Variants in ABR observed in about 807,000 individuals in gnomAD.
The protein encoded by ABR is active breakpoint cluster region-related protein.
A neutral mutation model predicts 107.2 loss-of-function variants in ABR; 35 were observed. The ratio of observed to expected loss-of-function variants is 0.33; its 90% CI spans 0.25 to 0.43. ABR has a LOEUF of 0.43. Among genes scored for constraint, ABR ranks in the 20% least tolerant of loss-of-function variants. The probability of loss-of-function intolerance (pLI) is 1.00; values close to 1 mark genes in which losing one functional copy is unlikely to be tolerated. For missense variants in ABR, 815 were observed against 1,115.2 expected, an observed-to-expected ratio of 0.73 and a Z score of 3.83; for synonymous variants, 498 against 462.0, an observed-to-expected ratio of 1.08 and a Z score of -1.00.
chr17:1,048,124 C>T (rs909758885), intron 16 of ABR, among the ~76,000 whole-genome samples: 1 of 152,228 alleles, frequency 6.6e-6, no homozygotes, highest in Non-Finnish European at 1.5e-5. Flanking sequence ...CTCCCCTTAT[C>T]CCCACAGAGA....
intron 16 of ABR, among the ~76,000 whole-genome samples, chr17:1,021,772 T>G (rs2071681125): frequency 6.8e-6 from 1 of 147,486 alleles, no homozygotes; most frequent in Non-Finnish European, 1.5e-5. Context: ...ATTGTGCCAC[T>G]GCACTCCAGC....
At chr17:1,199,457 G>A (rs936268309) in intron 1 of ABR, among the ~76,000 whole-genome samples, 2 of 150,282 alleles carry the variant, frequency 1.3e-5, no homozygotes, top group Non-Finnish European at 2.9e-5. Flanking sequence ...GGAGTGCAGT[G>A]GTGCAATCAC....
chr17:1,199,326 G>T (rs962641221), intron 1 of ABR, among the ~76,000 whole-genome samples: 5 of 151,052 alleles, frequency 3.3e-5, no homozygotes, highest in Admixed American at 2.0e-4. Context: ...ACTGGCAGGG[G>T]CTCATCTGTA....
chr17:1,132,482 G>C (rs184819389), intron 1 of ABR, among the ~76,000 whole-genome samples: 1 of 149,440 alleles, frequency 6.7e-6, no homozygotes, highest in Admixed American at 6.8e-5. Flanking sequence ...AGGTTCAAGC[G>C]ATTCTCCCGT....
chr17:1,090,827 C>G (rs78721767), intron 4 of ABR, among the ~76,000 whole-genome samples: 1 of 152,206 alleles, frequency 6.6e-6, no homozygotes. Flanking sequence ...AGAAGAACCG[C>G]GGCCTGGACT....
chr17:1,058,016 G>A lies in ABR; in HGVS notation c.1335C>T (p.Tyr445=), dbSNP rs775632275. The change falls in exon 12 of 23, where the codon TAC becomes TAT. Residue 445 remains tyrosine (Y), a synonymous_variant. Coordinates refer to ENST00000302538, the MANE Select transcript of ABR (RefSeq NM_021962.5). ...KSYLFLLSSD[Y]ERSEWREAIQ... is the part of the protein sequence containing the mutation. The stretch of plus-strand genomic sequence containing the variant: ...TTGCTTCTCTCCACTCTGACCTCTC[G>A]TAGTCCGAGGACAGTAGGAACAGGT... 44 of 1,613,756 alleles carry A rather than the reference G, an allele frequency of 2.7e-5. No homozygotes were observed. In the African/African-American group the frequency reaches 3.2e-4, roughly 12 times the overall value.
At position 1,010,569 on chromosome 17, in the gene ABR, C is replaced by T. The variant is rs898575618; in HGVS notation, c.2236+160G>A. The T allele has an allele frequency of 7.3e-6, 7 of 953,216 alleles. No individual in the cohort carries two copies. The African/African-American group carries it at 8.3e-5, about 11-fold the overall frequency. The allele number at this position is 953,216 out of a possible 1,614,324, so 59.0% of individuals were successfully genotyped here. Reference sequence around the variant, plus strand: ...GTGTCTGCACCAGGTCCCAGCAGGCCACACCTCACCCTCGGACCCCTCAGC... The same window carrying T: ...GTGTCTGCACCAGGTCCCAGCAGGCTACACCTCACCCTCGGACCCCTCAGC... On this transcript the variant is annotated intron_variant, in intron 20 of 22. Transcript: ENST00000302538. This position sits in a 1 kb window ranked among gnomAD's most constrained non-coding sequence, Gnocchi z 4.1.
Position 1,050,499 on chromosome 17 carries a change from G to A in ABR, c.1659+38C>T. 1.3e-6 allele frequency: 2 copies of A among 1,580,948 alleles called. No homozygotes were observed. The highest frequency in any genetic ancestry group is 1.3e-5 in the African/African-American group (1 of 74,266). On this transcript the variant is annotated intron_variant, in intron 15 of 22. Coordinates refer to ENST00000302538, the MANE Select transcript of ABR (RefSeq NM_021962.5). This position sits in a 1 kb window ranked among gnomAD's most constrained non-coding sequence, Gnocchi z 4.6. The stretch of plus-strand genomic sequence containing the variant: ...GCAGACAAGCCACGAGCACGGGGTG[G>A]TGGGGTCCCCACAGAGATGCCAGCC...
intron 16 of ABR, among the ~76,000 whole-genome samples, chr17:1,016,317 CTT>C (rs151002591): frequency 1.5e-4 from 20 of 134,874 alleles, no homozygotes; most frequent in East Asian, 2.2e-4. Context: ...CCCAACGTTT[CTT>C]TTTTTTTTTT....
At chr17:1,123,644 G>A (rs1432731734) in intron 2 of ABR, among the ~76,000 whole-genome samples, 1 of 152,216 alleles carries the variant, frequency 6.6e-6, no homozygotes, top group Non-Finnish European at 1.5e-5. Flanking sequence ...CCGGGATTCC[G>A]CAGCATCTTC....
chr17:1,203,314 G>A (rs868295300), intron 1 of ABR, among the ~76,000 whole-genome samples: 4 of 151,168 alleles, frequency 2.6e-5, no homozygotes, highest in Non-Finnish European at 5.9e-5. Context: ...GCTCGTGGGG[G>A]CGGAGTCCAT....
At chr17:1,041,411 G>C (rs555116991) in intron 16 of ABR, among the ~76,000 whole-genome samples, 4 of 152,186 alleles carry the variant, frequency 2.6e-5, no homozygotes, top group Admixed American at 2.6e-4. Flanking sequence ...TGCTGAAGGT[G>C]GGGTAGGAAT....
At chr17:1,224,739 A>AT (rs954242448) in intron 1 of ABR, among the ~76,000 whole-genome samples, 22 of 152,146 alleles carry the variant, frequency 1.4e-4, no homozygotes, top group African/African-American at 4.8e-4. Flanking sequence ...CAGTGGCACA[A>AT]TCATAGCTCA....
intron 1 of ABR, among the ~76,000 whole-genome samples, chr17:1,177,319 C>A (rs1291796898): frequency 6.6e-6 from 1 of 152,192 alleles, no homozygotes; most frequent in Non-Finnish European, 1.5e-5. Context: ...CTAAGCTGTT[C>A]CGAAGAGGGA....
At chr17:1,129,273 C>G (rs991968889) in intron 1 of ABR, among the ~76,000 whole-genome samples, 1 of 152,208 alleles carries the variant, frequency 6.6e-6, no homozygotes, top group African/African-American at 2.4e-5. Context: ...CACAGGGGCT[C>G]ACGCCTGTAA....
intron 16 of ABR, among the ~76,000 whole-genome samples, chr17:1,015,548 C>T (rs146452569): frequency 0.037 from 5,595 of 151,672 alleles, 158 homozygotes; most frequent in East Asian, 0.12. Flanking sequence ...CCTCCGCCTC[C>T]TGGGTTCAAG....
chr17:1,139,156 G>A (rs2040193897), intron 1 of ABR, among the ~76,000 whole-genome samples: 1 of 152,120 alleles, frequency 6.6e-6, no homozygotes, highest in African/African-American at 2.4e-5. Context: ...GGTGTGTGGA[G>A]CCCATTTCTT....
chr17:1,059,156 C>A (rs2033658145), intron 10 of ABR, among the ~76,000 whole-genome samples: 1 of 152,102 alleles, frequency 6.6e-6, no homozygotes, highest in South Asian at 2.1e-4. Context: ...CTGACGCTCA[C>A]TCGCCAAGCC....
intron 1 of ABR, among the ~76,000 whole-genome samples, chr17:1,218,144 C>G (rs1178343408): frequency 2.0e-5 from 3 of 152,204 alleles, no homozygotes; most frequent in South Asian, 2.1e-4. Flanking sequence ...TCACCACATG[C>G]CGGACCCCAT....
Sources: allele counts gnomAD v4.1 joint callset (sites outside exome capture counted in the v4.1 genomes callset), GRCh38; gene constraint gnomAD v4.1.1; non-coding constraint Gnocchi (gnomAD v3.1); transcripts MANE v1.5; gene names NCBI Gene and HGNC (gene_info 2026-07-23, HGNC 2026-07-21).